STXBP2: variants seen among roughly 807,000 people sequenced by gnomAD.
STXBP2 encodes syntaxin binding protein 2, also known as syntaxin-binding protein 2.
Under a neutral mutation model 72.2 loss-of-function variants are expected in STXBP2, and 47 were observed. That is an observed-to-expected ratio of 0.65 (90% confidence interval 0.51 to 0.83). STXBP2 has a LOEUF of 0.83. Ranked by LOEUF, STXBP2 falls within the 40% of genes least tolerant of loss-of-function variation. The probability of loss-of-function intolerance (pLI) is 0.00; values close to 1 mark genes in which losing one functional copy is unlikely to be tolerated. For synonymous variants in STXBP2, 367 were observed against 338.7 expected (o/e 1.08, Z -0.92); for missense variants, 702 against 807.6 (o/e 0.87, Z 1.58).
At position 7,642,353 on chromosome 19, in the gene STXBP2, GT is replaced by G; in HGVS notation, c.794+21del. ...ATACAGGTCTGCAGACTTGGAACCCGTCCCCACCCTTGCCACTGACCTGGTT... is the reference window on the plus strand; with the variant it reads ...ATACAGGTCTGCAGACTTGGAACCCGCCCCACCCTTGCCACTGACCTGGTT... On this transcript the variant is annotated intron_variant, in intron 9 of 18. Transcript: ENST00000221283. This position sits in a 1 kb window ranked among gnomAD's most constrained non-coding sequence, Gnocchi z 6.0. The G allele has an allele frequency of 6.2e-7, 1 of 1,613,416 alleles. No individual in the cohort carries two copies. Among genetic ancestry groups the G allele is most frequent in the Non-Finnish European group, 8.5e-7 (1 of 1,179,376 alleles).
chr19:7,640,392 A>T, intron 4 of STXBP2: 1 of 564,118 alleles, frequency 1.8e-6, no homozygotes, highest in Admixed American at 2.5e-5. Context: ...CAGTGTCTGC[A>T]TGTGTGTATA....
At chr19:7,645,413 C>T (rs776548792) in intron 15 of STXBP2, 107 bp downstream of exon 15, 32 of 1,152,372 alleles carry the variant, frequency 2.8e-5, no homozygotes, top group Middle Eastern at 2.9e-4. Flanking sequence ...TGGTTCCTGG[C>T]GTGGTGTGGT....
upstream of STXBP2, chr19:7,633,412 C>T (rs760816737): frequency 3.8e-6 from 6 of 1,570,764 alleles, no homozygotes; most frequent in African/African-American, 4.1e-5. Flanking sequence ...CTCACCTCGG[C>T]ACAGGGGCCT....
At chr19:7,640,177 TGTCTG>T (rs1462050817) in intron 4 of STXBP2, 2 of 465,886 alleles carry the variant, frequency 4.3e-6, no homozygotes, top group Non-Finnish European at 8.7e-6. Context: ...TGTGTGCGTC[TGTCTG>T]TGTGCATGTG....
intron 4 of STXBP2, chr19:7,640,392 ATG>A (rs1042858247): frequency 1.8e-4 from 100 of 564,114 alleles, no homozygotes; most frequent in Middle Eastern, 4.7e-4. Context: ...CAGTGTCTGC[ATG>A]TGTGTATATG....
upstream of STXBP2, among the ~76,000 whole-genome samples, chr19:7,635,043 C>T (rs77152187): frequency 6.6e-6 from 1 of 152,230 alleles, no homozygotes; most frequent in Non-Finnish European, 1.5e-5. Context: ...AATATCTATA[C>T]TAACCCCATT....
At position 7,647,212 on chromosome 19, in the gene STXBP2, C is replaced by T; in HGVS notation, c.1503C>T (p.Asp501=). The T allele has an allele frequency of 6.2e-7, 1 of 1,611,910 alleles. No homozygotes were observed. The highest frequency in any genetic ancestry group is 8.5e-7 in the Non-Finnish European group (1 of 1,179,820). The stretch of plus-strand genomic sequence containing the variant: ...GGAACCTGTGGCCCTTCGTATCCGA[C>T]CCCGCCCCCACGGCCAGCTCCCAGG... ...LDRNLWPFVS[D]PAPTASSQAA... Residue 501 remains aspartate (D), a synonymous_variant, in exon 17 of 19, where the codon GAC becomes GAT. Coordinates refer to ENST00000221283, the MANE Select transcript of STXBP2 (RefSeq NM_006949.4).
chr19:7,646,007 G>A (rs2032119181), intron 15 of STXBP2: 10 of 578,540 alleles, frequency 1.7e-5, no homozygotes, highest in Non-Finnish European at 2.8e-5. Flanking sequence ...GCCTATCTCT[G>A]CCTCTGTCTT....
At chr19:7,646,451 T>C (rs750844348) in intron 16 of STXBP2, 107 bp downstream of exon 16, 12 of 1,050,054 alleles carry the variant, frequency 1.1e-5, no homozygotes, top group South Asian at 1.4e-5. Context: ...AAAATGCTCA[T>C]TGCTGGCATT....
chr19:7,632,998 A>G (rs1568459407), upstream of STXBP2: 1 of 1,423,624 alleles, frequency 7.0e-7, no homozygotes, highest in East Asian at 2.5e-5. The surrounding 1 kb of genome is among the most constrained non-coding windows in gnomAD (Gnocchi z 5.2). Context: ...TGAATGAGAC[A>G]TGAGTCTCCT....
At chr19:7,631,441 C>T in the STXBP2 span, 7 of 1,522,320 alleles carry the variant, frequency 4.6e-6, no homozygotes, top group Middle Eastern at 1.9e-4. Context: ...GCCCCTCCCC[C>T]CTTCCTGTCC....
chr19:7,645,734 C>T (rs1433244424), intron 15 of STXBP2, among the ~76,000 whole-genome samples: 1 of 152,054 alleles, frequency 6.6e-6, no homozygotes, highest in Non-Finnish European at 1.5e-5. Flanking sequence ...TCCTGTCTCT[C>T]TCTGGCCCTG....
At chr19:7,646,376 C>T (rs1186908856) in intron 16 of STXBP2, 32 bp downstream of exon 16, 3 of 1,568,622 alleles carry the variant, frequency 1.9e-6, no homozygotes, top group African/African-American at 2.7e-5. Context: ...TGGGGGCCAG[C>T]CCTCCGCATC....
chr19:7,636,824 C>T, upstream of STXBP2: 1 of 307,340 alleles, frequency 3.3e-6, no homozygotes, highest in East Asian at 5.0e-5. Context: ...GGCACAGAAC[C>T]TCCCGGGGAA....
rs1314091539 is a variant in STXBP2, at chr19:7,644,600, C to T, written c.1108-14C>T. On this transcript the variant is annotated splice_polypyrimidine_tract_variant and intron_variant, in intron 13 of 18. Transcript: ENST00000221283. ...CACATAGCGGCCGGTGGACGGCTGA[C>T]CCCATGCCCGCAGGACCTGGCCATG... The T allele has an allele frequency of 1.9e-6, 3 of 1,610,974 alleles. No individual in the cohort carries two copies. The highest frequency in any genetic ancestry group is 2.5e-6 in the Non-Finnish European group (3 of 1,179,736).
chr19:7,646,533 G>A (rs537590064), intron 16 of STXBP2, 189 bp downstream of exon 16: 2 of 665,284 alleles, frequency 3.0e-6, no homozygotes, highest in South Asian at 1.7e-5. Context: ...GTGACAGCGG[G>A]GCCTGTGCTG....
chr19:7,645,366 C>T, intron 15 of STXBP2, 60 bp downstream of exon 15: 4 of 1,500,166 alleles, frequency 2.7e-6, no homozygotes, highest in Middle Eastern at 4.3e-4. Flanking sequence ...AGCCGGGGCT[C>T]TGCAAGGCAG....
the STXBP2 span, chr19:7,630,460 C>A: frequency 1.2e-6 from 1 of 802,416 alleles, no homozygotes; most frequent in Non-Finnish European, 2.0e-6. Flanking sequence ...ATTCTTGGGT[C>A]GGCCGTAACG....
Position 7,642,866 on chromosome 19 carries a change from GC to G in STXBP2, c.960+49del, listed in dbSNP as rs746792689. ...TCACCAAAGGCGCTGGTGGAAGGAAGCCCCCCTCCCCATGGGCGCAGGGCCA... is the reference window on the plus strand; with the variant it reads ...TCACCAAAGGCGCTGGTGGAAGGAAGCCCCCTCCCCATGGGCGCAGGGCCA... On this transcript the variant is annotated intron_variant, in intron 11 of 18. Transcript: ENST00000221283. The surrounding 1 kb of genome is among the most constrained non-coding windows in gnomAD (Gnocchi z 6.0). 1.1e-5 allele frequency: 18 copies of G among 1,613,750 alleles called. No individual in the cohort carries two copies. Among genetic ancestry groups the G allele is most frequent in the Non-Finnish European group, 1.4e-5 (17 of 1,179,808 alleles).
Sources: allele counts gnomAD v4.1 joint callset (sites outside exome capture counted in the v4.1 genomes callset), GRCh38; gene constraint gnomAD v4.1.1; non-coding constraint Gnocchi (gnomAD v3.1); transcripts MANE v1.5; gene names NCBI Gene and HGNC (gene_info 2026-07-23, HGNC 2026-07-21).